The following MSH6 variants were observed in gnomAD, a reference collection of about 807,000 sequenced individuals.
MSH6 encodes mutS homolog 6, also known as DNA mismatch repair protein Msh6.
A neutral mutation model predicts 119.1 loss-of-function variants in MSH6; 85 were observed. The observed-to-expected ratio is 0.71, with a 90% confidence interval of 0.60 to 0.85. MSH6 has a LOEUF of 0.85. MSH6 is among the 40% of genes least tolerant of loss of function. MSH6 has a pLI of 0.00. For synonymous variants in MSH6, 830 were observed against 586.9 expected, an observed-to-expected ratio of 1.41 and a Z score of -5.99; for missense variants, 2,163 against 1,655.3, an observed-to-expected ratio of 1.31 and a Z score of -5.32.
At chr2:47,783,555 G>T in intron 1 of MSH6, 62 bp downstream of exon 1, 2 of 1,389,998 alleles carry the variant, frequency 1.4e-6, no homozygotes, top group Non-Finnish European at 1.9e-6. Context: ...GGAACCCGGC[G>T]AGGGGAGGCT....
At chr2:47,788,551 CCTTTTTCTTTTT>C (rs1160353451) in intron 1 of MSH6, among the ~76,000 whole-genome samples, 2 of 145,756 alleles carry the variant, frequency 1.4e-5, no homozygotes, top group African/African-American at 2.5e-5. Flanking sequence ...CCGTGCCCAG[CCTTTTTCTTTTT>C]CTTTTTCTTT....
chr2:47,796,041 C>T lies in MSH6; in HGVS notation c.605C>T (p.Pro202Leu), dbSNP rs367644746. 1 of 1,613,578 alleles carries T rather than the reference C, an allele frequency of 6.2e-7. No homozygotes were observed. The highest frequency in any genetic ancestry group is 8.5e-7 in the Non-Finnish European group (1 of 1,179,968). Residue 202 changes from proline to leucine, a missense_variant, in exon 3 of 10, where the codon CCA becomes CTA. Pro to Leu is a moderately conservative substitution (Grantham distance 98). Coordinates refer to ENST00000234420, the MANE Select transcript of MSH6 (RefSeq NM_000179.3). Reference protein sequence around the residue: ...ELAVCDEPSEPEEEEEMEVGT... With the variant: ...ELAVCDEPSELEEEEEMEVGT... ...GCAGTTTGTGATGAGCCCTCAGAGC[C>T]AGAAGAGGAAGAAGAGATGGAGGTG...
Position 47,806,945 on chromosome 2 carries a change from T to C in MSH6, c.*85T>C. 9.6e-7 allele frequency: 1 copy of C among 1,036,782 alleles called. No individual in the cohort carries two copies. Among genetic ancestry groups the C allele is most frequent in the Non-Finnish European group, 1.5e-6 (1 of 675,374 alleles). 64.2% of individuals were successfully genotyped at this position (1,036,782 alleles called of 1,614,324 possible). A position where few individuals can be genotyped will look rare whatever the true frequency, so the allele number is the denominator to read the frequency against. On this transcript the variant is annotated 3_prime_UTR_variant, in exon 10 of 10. Coordinates refer to ENST00000234420, the MANE Select transcript of MSH6 (RefSeq NM_000179.3). ...TTATGATCTAATAAACTTTATTTTT[T>C]AAAAATGACCATTTTTCCATTTTCT...
Position 47,800,298 on chromosome 2 carries a change from G to A in MSH6, c.2315G>A (p.Arg772Gln), listed in dbSNP as rs63750725. Residue 772 changes from arginine to glutamine, a missense_variant, in exon 4 of 10, where the codon CGG becomes CAG. Coordinates refer to ENST00000234420, the MANE Select transcript of MSH6 (RefSeq NM_000179.3). ...ACTTGCCATACTCCTTTTGGTAAGC[G>A]GCTCCTAAAGCAATGGCTTTGTGCC... ...VDTCHTPFGK[R>Q]LLKQWLCAPL... 1.7e-5 allele frequency: 28 copies of A among 1,613,882 alleles called. No homozygotes were observed. The highest frequency in any genetic ancestry group is 2.7e-5 in the African/African-American group (2 of 74,862).
Position 47,806,751 on chromosome 2 carries a change from C to CAACTTT in MSH6, c.4002-28_4002-27insAACTTT, listed in dbSNP as rs771393147. 2.1e-5 allele frequency: 31 copies of CAACTTT among 1,444,640 alleles called. No individual in the cohort carries two copies. The African/African-American group carries it at 4.5e-4, about 21-fold the overall frequency. The allele number at this position is 1,444,640 out of a possible 1,614,324, so 89.5% of individuals were successfully genotyped here. A position where few individuals can be genotyped will look rare whatever the true frequency, so the allele number is the denominator to read the frequency against. ...GATGCACTATGAAAAAACAAAAAAA[C>CAACTTT]TTTTTTTTTTTTTTTTTTAATTTTA... On this transcript the variant is annotated intron_variant, in intron 9 of 9. Coordinates refer to ENST00000234420, the MANE Select transcript of MSH6 (RefSeq NM_000179.3).
At chr2:47,788,823 C>T (rs1190271132) in intron 1 of MSH6, among the ~76,000 whole-genome samples, 11 of 148,932 alleles carry the variant, frequency 7.4e-5, no homozygotes, top group Middle Eastern at 3.6e-3. Context: ...CTGCCTGCCT[C>T]GTCCTCCCAA....
Position 47,806,953 on chromosome 2 carries a change from A to C in MSH6, c.*93A>C. The C allele has an allele frequency of 1.0e-6, 1 of 990,120 alleles. No individual in the cohort carries two copies. Among genetic ancestry groups the C allele is most frequent in the Non-Finnish European group, 1.6e-6 (1 of 636,700 alleles). The allele number at this position is 990,120 out of a possible 1,614,324, so 61.3% of individuals were successfully genotyped here. A position where few individuals can be genotyped will look rare whatever the true frequency, so the allele number is the denominator to read the frequency against. ...TAATAAACTTTATTTTTTAAAAATG[A>C]CCATTTTTCCATTTTCTTTCTAGGA... On this transcript the variant is annotated 3_prime_UTR_variant, in exon 10 of 10. Coordinates refer to ENST00000234420, the MANE Select transcript of MSH6 (RefSeq NM_000179.3).
chr2:47,802,064 TACAC>T (rs1382835859), intron 4 of MSH6, among the ~76,000 whole-genome samples: 1 of 152,246 alleles, frequency 6.6e-6, no homozygotes, highest in Non-Finnish European at 1.5e-5. Flanking sequence ...GGTGCTTTGT[TACAC>T]TATCTGTTGA....
intron 2 of MSH6, among the ~76,000 whole-genome samples, chr2:47,795,625 T>C (rs1442898954): frequency 6.6e-6 from 1 of 151,702 alleles, no homozygotes; most frequent in Admixed American, 6.6e-5. Flanking sequence ...ACCACCACCC[T>C]TGGCTAATTT....
intron 1 of MSH6, chr2:47,789,429 T>A (rs1284209305): frequency 2.1e-6 from 1 of 472,018 alleles, no homozygotes; most frequent in Non-Finnish European, 4.4e-6. Context: ...CTAGTGAGGA[T>A]GCACATTTAT....
intron 1 of MSH6, chr2:47,784,237 C>T (rs1043502557): frequency 3.3e-4 from 329 of 1,000,534 alleles, no homozygotes; most frequent in Non-Finnish European, 3.6e-4. Flanking sequence ...CTGGGTCCTT[C>T]GGTAGGTAGG....
intron 7 of MSH6, 96 bp downstream of exon 7, chr2:47,805,803 CAA>C: frequency 1.0e-6 from 1 of 962,876 alleles, no homozygotes; most frequent in Non-Finnish European, 1.7e-6. Flanking sequence ...TACATTTAAA[CAA>C]TATGAATGTT....
chr2:47,788,922 G>GTTTTTTTTTTTTGTTTTTTTTTT (rs1668542908), intron 1 of MSH6, among the ~76,000 whole-genome samples: 1 of 40,932 alleles, frequency 2.4e-5, no homozygotes, highest in African/African-American at 1.0e-4. Flanking sequence ...TTTTTTTTTT[G>GTTTTTTTTTTTTGTTTTTTTTTT]TTTTTTTTTT....
Position 47,793,318 on chromosome 2 carries a change from C to CAAAAA in MSH6, c.457+2220_457+2224dup, listed in dbSNP as rs34250836. 4.3e-4 allele frequency among the ~76,000 whole-genome samples: 21 copies of CAAAAA among 48,810 alleles called. 1 individual carries two copies. Among genetic ancestry groups the CAAAAA allele is most frequent in the East Asian group, 1.2e-3 (1 of 810 alleles). The allele number at this position is 48,810 out of a possible 152,430, so 32.0% of individuals were successfully genotyped here. On this transcript the variant is annotated intron_variant, in intron 2 of 9. Transcript: ENST00000234420. ...CCTGGGTGACAGAGCGAGACTGTCT[C>CAAAAA]AAAAAAAAAAAAAAAAAAAAAAAAA...
Position 47,800,129 on chromosome 2 carries a change from ACAGT to A in MSH6, c.2150_2153del (p.Val717AlafsTer18), listed in dbSNP as rs267608058. The A allele has an allele frequency of 9.3e-6, 15 of 1,614,084 alleles. No individual in the cohort carries two copies. Among genetic ancestry groups the A allele is most frequent in the Admixed American group, 3.3e-5 (2 of 60,004 alleles). ...AGAATATATTCCCTTGGATTCTGACACAGTCAGCACTACAAGATCTGGTGCTATC... is the reference window on the plus strand; with the variant it reads ...AGAATATATTCCCTTGGATTCTGACACAGCACTACAAGATCTGGTGCTATC... On this transcript the variant is annotated frameshift_variant, in exon 4 of 10. Transcript: ENST00000234420. LOFTEE classifies it high-confidence loss of function.
chr2:47,808,541 T>G (rs1670384413), downstream of MSH6: 14 of 801,558 alleles, frequency 1.7e-5, no homozygotes, highest in Non-Finnish European at 2.4e-5. Flanking sequence ...AACAAAATTC[T>G]TTGTGGCTCC....
At chr2:47,802,492 G>C (rs2104459372) in intron 4 of MSH6, among the ~76,000 whole-genome samples, 1 of 151,900 alleles carries the variant, frequency 6.6e-6, no homozygotes, top group East Asian at 1.9e-4. Context: ...CATCACACCT[G>C]GCTAATTTTT....
At position 47,805,172 on chromosome 2, in the gene MSH6, A is replaced by AAT. The variant is rs1669900372; in HGVS notation, c.3556+145_3556+146insAT. On this transcript the variant is annotated intron_variant, in intron 6 of 9. Coordinates refer to ENST00000234420, the MANE Select transcript of MSH6 (RefSeq NM_000179.3). The stretch of plus-strand genomic sequence containing the variant: ...AAACATCACTTTTTAAGAACTGCAT[A>AAT]GTCTCTCTCTCTTTTTTTTTTTTTT... 1.7e-5 allele frequency: 11 copies of AAT among 655,924 alleles called. 1 individual carries two copies. Among genetic ancestry groups the AAT allele is most frequent in the Non-Finnish European group, 2.1e-5 (8 of 374,974 alleles). The allele number at this position is 655,924 out of a possible 1,614,324, so 40.6% of individuals were successfully genotyped here. A position where few individuals can be genotyped will look rare whatever the true frequency, so the allele number is the denominator to read the frequency against.
rs2104588027 is a variant in MSH6, at chr2:47,806,882, G to A, written c.*22G>A. ...ATAGACTGACTACATTGGAAGCTTT[G>A]AGTTGACTTCTGACAAAGGTGGTAA... is the stretch of plus-strand genomic sequence containing the variant. On this transcript the variant is annotated 3_prime_UTR_variant, in exon 10 of 10. Transcript: ENST00000234420. 1 of 1,556,268 alleles carries A rather than the reference G, an allele frequency of 6.4e-7. No individual in the cohort carries two copies. Among genetic ancestry groups the A allele is most frequent in the Non-Finnish European group, 8.9e-7 (1 of 1,128,220 alleles).
Sources: allele counts gnomAD v4.1 joint callset (sites outside exome capture counted in the v4.1 genomes callset), GRCh38; gene constraint gnomAD v4.1.1; transcripts MANE v1.5; gene names NCBI Gene and HGNC (gene_info 2026-07-23, HGNC 2026-07-21).